Variants in PKIG observed in about 807,000 individuals in gnomAD.
The protein encoded by PKIG is protein kinase (cAMP-dependent, catalytic) inhibitor gamma.
PKIG carries 1 observed loss-of-function variant against 6.8 expected under a neutral mutation model. The ratio of observed to expected loss-of-function variants is 0.15; its 90% CI spans 0.05 to 0.69. The LOEUF (loss-of-function observed/expected upper bound fraction) is 0.69, where lower values mean the gene tolerates loss of function less well. Among genes scored for constraint, PKIG ranks in the 30% least tolerant of loss-of-function variants. The pLI is 0.82. For missense variants in PKIG, 77 were observed against 104.0 expected (o/e 0.74, Z 1.13); for synonymous variants, 39 against 43.0 (o/e 0.91, Z 0.36).
intron 1 of PKIG, among the ~76,000 whole-genome samples, chr20:44,557,918 G>A (rs1362144262): frequency 6.6e-6 from 1 of 152,092 alleles, no homozygotes; most frequent in Non-Finnish European, 1.5e-5. Context: ...GCTTTTCCAT[G>A]TCTGAGAACT....
chr20:44,573,576 ATGG>A (rs2064871776), intron 1 of PKIG, among the ~76,000 whole-genome samples: 1 of 152,230 alleles, frequency 6.6e-6, no homozygotes, highest in South Asian at 2.1e-4. Context: ...TACCGAACAA[ATGG>A]AATGCAAAGG....
At chr20:44,557,916 A>C (rs540329057) in intron 1 of PKIG, among the ~76,000 whole-genome samples, 2 of 152,128 alleles carry the variant, frequency 1.3e-5, no homozygotes, top group African/African-American at 4.8e-5. Context: ...AGGCTTTTCC[A>C]TGTCTGAGAA....
chr20:44,532,850 G>T (rs2064479240), intron 1 of PKIG, among the ~76,000 whole-genome samples: 1 of 152,170 alleles, frequency 6.6e-6, no homozygotes, highest in African/African-American at 2.4e-5. Flanking sequence ...GAAAAGCCTT[G>T]GGGAGAGAGT....
intron 1 of PKIG, among the ~76,000 whole-genome samples, chr20:44,544,143 A>G (rs748228278): frequency 6.6e-6 from 1 of 151,614 alleles, no homozygotes; most frequent in East Asian, 1.9e-4. Context: ...CTAGAATCTC[A>G]TTGGCCTGGA....
At chr20:44,543,965 G>A (rs1053620686) in intron 1 of PKIG, among the ~76,000 whole-genome samples, 2 of 151,840 alleles carry the variant, frequency 1.3e-5, no homozygotes, top group Non-Finnish European at 2.9e-5. Context: ...TCGGGAGGCT[G>A]AGGCAGGAGA....
In PKIG at chr20:44,619,030, T is replaced by C. The variant is rs573581475; in HGVS notation, c.*666T>C. On this transcript the variant is annotated 3_prime_UTR_variant, in exon 4 of 4. Coordinates refer to ENST00000372886, the MANE Select transcript of PKIG (RefSeq NM_001281445.2). ...GACCCAGGAAATAAATGCCGATGAT[T>C]TGTGTGACTGGTTTAAGATTATTTC... 6.5e-6 allele frequency: 1 copy of C among 153,836 alleles called. No individual in the cohort carries two copies. Among genetic ancestry groups the C allele is most frequent in the South Asian group, 2.1e-4 (1 of 4,846 alleles). The allele number at this position is 153,836 out of a possible 1,614,324, so 9.5% of individuals were successfully genotyped here.
At chr20:44,540,990 A>G (rs2123145615) in intron 1 of PKIG, among the ~76,000 whole-genome samples, 1 of 152,322 alleles carries the variant, frequency 6.6e-6, no homozygotes, top group South Asian at 2.1e-4. Flanking sequence ...AGTTGGTTGG[A>G]GAGGGGAAGG....
intron 1 of PKIG, among the ~76,000 whole-genome samples, chr20:44,575,591 A>G (rs749139639): frequency 2.7e-4 from 41 of 152,324 alleles, no homozygotes; most frequent in Admixed American, 1.9e-3. Flanking sequence ...GCTGCTGGGT[A>G]CTGGAAGGGT....
chr20:44,611,052 CTT>C (rs537375490), intron 2 of PKIG, among the ~76,000 whole-genome samples: 21 of 132,842 alleles, frequency 1.6e-4, no homozygotes, highest in Admixed American at 2.3e-4. Flanking sequence ...TATAGAATGC[CTT>C]TTTTTTTTTT....
chr20:44,563,049 A>T (rs1029849235), intron 1 of PKIG, among the ~76,000 whole-genome samples: 2 of 151,436 alleles, frequency 1.3e-5, no homozygotes, highest in African/African-American at 4.8e-5. Flanking sequence ...GACTCCATTT[A>T]AAAAAAAACA....
In PKIG at chr20:44,559,626, C is replaced by A. The variant is rs890797198; in HGVS notation, c.-240-22959C>A. Among the ~76,000 whole-genome samples the A allele has an allele frequency of 5.3e-5, 8 of 152,192 alleles. 1 individual carries two copies. Among genetic ancestry groups the A allele is most frequent in the African/African-American group, 7.2e-5 (3 of 41,454 alleles). On this transcript the variant is annotated intron_variant, in intron 1 of 4. Coordinates refer to the PKIG transcript ENST00000372887. The stretch of plus-strand genomic sequence containing the variant: ...TTCAGAGTCCCAGTGAGACTATGCA[C>A]AATGGGGAAGTACCCCCAAATAGAA...
At chr20:44,615,435 C>T (rs557052082) in intron 3 of PKIG, among the ~76,000 whole-genome samples, 28 of 152,378 alleles carry the variant, frequency 1.8e-4, no homozygotes, top group African/African-American at 6.7e-4. Flanking sequence ...GTTTGGCACA[C>T]AGCAGGTGCT....
At chr20:44,568,472 CTT>C (rs577898928) in intron 1 of PKIG, among the ~76,000 whole-genome samples, 3 of 146,020 alleles carry the variant, frequency 2.1e-5, no homozygotes, top group Admixed American at 6.9e-5. Flanking sequence ...TAAAGTGAGA[CTT>C]TTTTTTTTTT....
intron 1 of PKIG, among the ~76,000 whole-genome samples, chr20:44,574,413 C>A (rs1217062237): frequency 6.6e-6 from 1 of 152,006 alleles, no homozygotes; most frequent in African/African-American, 2.4e-5. Flanking sequence ...TATAATGAAT[C>A]CTCATGTACC....
intron 2 of PKIG, among the ~76,000 whole-genome samples, chr20:44,611,246 G>A (rs2065216185): frequency 6.6e-6 from 1 of 151,974 alleles, no homozygotes; most frequent in South Asian, 2.1e-4. Flanking sequence ...TAGAGGCGAC[G>A]TTTCACGATG....
Position 44,614,719 on chromosome 20 carries a change from C to T in PKIG, c.151+12C>T. ...ACTCGAGGGGGCAGGTTAGAGCCAG[C>T]AGGTCCTTGGCACTACTGCATGCCA... On this transcript the variant is annotated intron_variant, in intron 3 of 3. Coordinates refer to ENST00000372886, the MANE Select transcript of PKIG (RefSeq NM_001281445.2). This position sits in a 1 kb window ranked among gnomAD's most constrained non-coding sequence, Gnocchi z 4.6. 6.2e-7 allele frequency: 1 copy of T among 1,612,992 alleles called. No homozygotes were observed.
chr20:44,554,839 G>A (rs1443614399), intron 1 of PKIG, among the ~76,000 whole-genome samples: 4 of 152,172 alleles, frequency 2.6e-5, no homozygotes, highest in Admixed American at 1.3e-4. Flanking sequence ...GGCAGGGGGC[G>A]TGGGGGCACC....
At chr20:44,581,544 C>T (rs1483926231), upstream of PKIG, among the ~76,000 whole-genome samples, 1 of 152,196 alleles carries the variant, frequency 6.6e-6, no homozygotes, top group Non-Finnish European at 1.5e-5. Flanking sequence ...TTGTCTTTAC[C>T]ATCAAGCACT....
chr20:44,605,651 C>T (rs2065158021), intron 2 of PKIG, among the ~76,000 whole-genome samples: 2 of 151,972 alleles, frequency 1.3e-5, no homozygotes, highest in Non-Finnish European at 2.9e-5. Context: ...TGGTGGCTCA[C>T]ACCTGTAATC....
Sources: gnomAD v4.1 joint callset for allele counts (sites outside exome capture counted in the v4.1 genomes callset) on GRCh38, gnomAD v4.1.1 for gene constraint, Gnocchi (gnomAD v3.1) non-coding constraint, MANE v1.5 for transcripts, NCBI Gene and HGNC (gene_info 2026-07-23, HGNC 2026-07-21) for gene names.